Variants in KCNMA1 observed in about 807,000 individuals in gnomAD.
The protein encoded by KCNMA1 is Calcium-activated potassium channel subunit alpha-1.
Under a neutral mutation model 140.0 loss-of-function variants are expected in KCNMA1, and 29 were observed. That is an observed-to-expected ratio of 0.21 (90% CI 0.15 to 0.28). The LOEUF (loss-of-function observed/expected upper bound fraction) is 0.28, where lower values mean the gene tolerates loss of function less well. Among genes scored for constraint, KCNMA1 ranks in the 10% least tolerant of loss-of-function variants. The pLI, the probability that KCNMA1 is intolerant of heterozygous loss-of-function variation, is 1.00. For synonymous variants in KCNMA1, 612 were observed against 611.9 expected, an observed-to-expected ratio of 1.00 and a Z score of 0.00; for missense variants, 880 against 1,602.2, an observed-to-expected ratio of 0.55 and a Z score of 7.70.
At chr10:77,028,303 T>C (rs1035365876) in intron 15 of KCNMA1, among the ~76,000 whole-genome samples, 2 of 152,116 alleles carry the variant, frequency 1.3e-5, no homozygotes, top group African/African-American at 4.8e-5. Context: ...AAATGGCTCA[T>C]ATTGTTGTTC....
At chr10:77,520,065 GGGTGTGC>G (rs1567296045) in intron 1 of KCNMA1, among the ~76,000 whole-genome samples, 11 of 151,078 alleles carry the variant, frequency 7.3e-5, no homozygotes, top group African/African-American at 2.2e-4. Flanking sequence ...TGCAGTGTGA[GGGTGTGC>G]AGTGTGAGGT....
At chr10:77,423,661 C>T (rs2096915862) in intron 1 of KCNMA1, among the ~76,000 whole-genome samples, 3 of 152,122 alleles carry the variant, frequency 2.0e-5, no homozygotes, top group African/African-American at 4.8e-5. Flanking sequence ...CTCTGCCTCT[C>T]CAATCCATGC....
intron 1 of KCNMA1, among the ~76,000 whole-genome samples, chr10:77,506,518 G>A (rs2045878709): frequency 6.6e-6 from 1 of 151,086 alleles, no homozygotes; most frequent in East Asian, 2.0e-4. Flanking sequence ...GAGAGAGAGA[G>A]TTAGAGAGAG....
At chr10:76,934,743 A>T (rs945973394) in intron 23 of KCNMA1, among the ~76,000 whole-genome samples, 2 of 152,096 alleles carry the variant, frequency 1.3e-5, no homozygotes, top group Non-Finnish European at 2.9e-5. Context: ...GGTCCATGGG[A>T]TTACAAGACT....
intron 2 of KCNMA1, among the ~76,000 whole-genome samples, chr10:77,276,414 A>G (rs1453554792): frequency 6.6e-6 from 1 of 152,214 alleles, no homozygotes; most frequent in African/African-American, 2.4e-5. Context: ...TACTGCAGAC[A>G]TCAGGAAACA....
chr10:77,164,142 T>A (rs916332685), intron 5 of KCNMA1, among the ~76,000 whole-genome samples: 1 of 152,178 alleles, frequency 6.6e-6, no homozygotes, highest in African/African-American at 2.4e-5. Flanking sequence ...TCTGTGGACA[T>A]AAGGCAGACT....
intron 2 of KCNMA1, among the ~76,000 whole-genome samples, chr10:77,299,420 C>A (rs2076031700): frequency 6.6e-6 from 1 of 152,208 alleles, no homozygotes; most frequent in African/African-American, 2.4e-5. Context: ...CCTAGGCCAG[C>A]ATCTGGATTT....
intron 5 of KCNMA1, among the ~76,000 whole-genome samples, chr10:77,124,891 C>A (rs894207540): frequency 1.3e-5 from 2 of 152,140 alleles, no homozygotes; most frequent in African/African-American, 4.8e-5. Flanking sequence ...GTTTAATTGA[C>A]TCAATTCCAC....
chr10:77,404,521 G>A (rs758299117), intron 1 of KCNMA1, among the ~76,000 whole-genome samples: 23 of 152,120 alleles, frequency 1.5e-4, no homozygotes, highest in East Asian at 3.9e-4. Flanking sequence ...CAAGTGATCC[G>A]CCCACCTCAG....
At chr10:77,396,689 T>C (rs2096066890) in intron 2 of KCNMA1, among the ~76,000 whole-genome samples, 1 of 152,200 alleles carries the variant, frequency 6.6e-6, no homozygotes, top group Non-Finnish European at 1.5e-5. Context: ...ATGCCACACA[T>C]GCAACATATT....
intron 19 of KCNMA1, among the ~76,000 whole-genome samples, chr10:76,989,925 G>A (rs1907722): frequency 6.6e-6 from 1 of 151,884 alleles, no homozygotes; most frequent in South Asian, 2.1e-4. Context: ...ATGTGATCTT[G>A]GTCAAGTTCA....
At chr10:77,486,875 G>A (rs2098467192) in intron 1 of KCNMA1, among the ~76,000 whole-genome samples, 1 of 152,202 alleles carries the variant, frequency 6.6e-6, no homozygotes, top group Non-Finnish European at 1.5e-5. Context: ...AGTCCCCCAG[G>A]TTCTGAAGAA....
At chr10:77,486,782 T>C (rs2098466048) in intron 1 of KCNMA1, among the ~76,000 whole-genome samples, 1 of 152,190 alleles carries the variant, frequency 6.6e-6, no homozygotes. Context: ...GCCCTGTGCA[T>C]AATAAGAAGC....
chr10:77,254,224 C>CT (rs11402076), intron 2 of KCNMA1, among the ~76,000 whole-genome samples: 76,821 of 140,370 alleles, frequency 0.55, 21,429 homozygotes, highest in East Asian at 0.74. Context: ...GAAATATACT[C>CT]TTTTTTTTTT....
chr10:77,053,554 C>T (rs1365721267), intron 14 of KCNMA1, among the ~76,000 whole-genome samples: 6 of 152,130 alleles, frequency 3.9e-5, no homozygotes, highest in Admixed American at 1.3e-4. Flanking sequence ...CTGCTGACTC[C>T]GTATCTCACC....
intron 2 of KCNMA1, among the ~76,000 whole-genome samples, chr10:77,276,316 T>C (rs897543660): frequency 2.0e-5 from 3 of 152,228 alleles, no homozygotes; most frequent in Non-Finnish European, 4.4e-5. Flanking sequence ...AACAGGTAGA[T>C]GCCTAGGCCT....
chr10:77,426,047 C>T (rs981801231), intron 1 of KCNMA1, among the ~76,000 whole-genome samples: 2 of 152,172 alleles, frequency 1.3e-5, no homozygotes, highest in East Asian at 1.9e-4. Context: ...CCAGAATAAT[C>T]GGGGCCTGGC....
chr10:76,956,750 C>A (rs756474738), intron 20 of KCNMA1, among the ~76,000 whole-genome samples: 6 of 152,088 alleles, frequency 3.9e-5, no homozygotes, highest in Non-Finnish European at 8.8e-5. Context: ...CAGCAAAGTA[C>A]AAGGTGATAC....
At chr10:77,077,173 A>G (rs1436839303) in intron 13 of KCNMA1, among the ~76,000 whole-genome samples, 3 of 152,236 alleles carry the variant, frequency 2.0e-5, no homozygotes, top group Non-Finnish European at 4.4e-5. Flanking sequence ...AATGAAAGAC[A>G]AACAATGATG....
Sources: allele counts gnomAD v4.1 joint callset (sites outside exome capture counted in the v4.1 genomes callset), GRCh38; gene constraint gnomAD v4.1.1; transcripts MANE v1.5; gene names NCBI Gene and HGNC (gene_info 2026-07-23, HGNC 2026-07-21).